Variants in PHC2 observed in about 807,000 individuals in gnomAD.
The protein encoded by PHC2 is polyhomeotic homolog 2, also known as polyhomeotic-like protein 2.
Under a neutral mutation model 87.4 loss-of-function variants are expected in PHC2, and 29 were observed. The ratio of observed to expected loss-of-function variants is 0.33; its 90% CI spans 0.25 to 0.45. The LOEUF is 0.45. Among genes scored for constraint, PHC2 ranks in the 20% least tolerant of loss-of-function variants. PHC2 has a pLI of 1.00. For missense variants in PHC2, 857 were observed against 1,136.7 expected (o/e 0.75, Z 3.54); for synonymous variants, 438 against 461.7 (o/e 0.95, Z 0.66).
At chr1:33,350,467 C>T (rs1190074544) in intron 9 of PHC2, 1 of 152,300 alleles carries the variant, frequency 6.6e-6, no homozygotes, top group African/African-American at 2.4e-5. Flanking sequence ...GGTTATCTTC[C>T]CCAAGCGCAC....
chr1:33,377,511 G>A (rs1420068214), intron 1 of PHC2, among the ~76,000 whole-genome samples: 1 of 152,030 alleles, frequency 6.6e-6, no homozygotes. Context: ...TGGTGGGAGA[G>A]GCACACCCAG....
At chr1:33,388,136 C>T (rs1160731413) in intron 1 of PHC2, among the ~76,000 whole-genome samples, 4 of 152,108 alleles carry the variant, frequency 2.6e-5, no homozygotes, top group African/African-American at 9.7e-5. Context: ...TTCCTGAATG[C>T]CCACCACATG....
chr1:33,402,838 T>TTTG (rs1404421995), intron 1 of PHC2, among the ~76,000 whole-genome samples: 1 of 152,016 alleles, frequency 6.6e-6, no homozygotes, highest in Non-Finnish European at 1.5e-5. Context: ...GAAAACTCTT[T>TTTG]TTTTTGAGAT....
At chr1:33,386,752 A>AACACATACACAAAGCACACAGC (rs1648774489) in intron 1 of PHC2, among the ~76,000 whole-genome samples, 1 of 152,074 alleles carries the variant, frequency 6.6e-6, no homozygotes, top group Admixed American at 6.5e-5. Flanking sequence ...AAGTGCACAT[A>AACACATACACAAAGCACACAGC]ACACATACAC....
At chr1:33,346,069 A>C (rs1646839703) in intron 9 of PHC2, 1 of 985,240 alleles carries the variant, frequency 1.0e-6, no homozygotes, top group Non-Finnish European at 1.2e-6. Flanking sequence ...ATGTGTTCAG[A>C]CTCCCATCTT....
At chr1:33,343,164 T>C (rs1053264083) in intron 9 of PHC2, among the ~76,000 whole-genome samples, 1 of 152,088 alleles carries the variant, frequency 6.6e-6, no homozygotes, top group Non-Finnish European at 1.5e-5. Context: ...GACTGTGGGA[T>C]TAGAAAGACT....
intron 5 of PHC2, 46 bp downstream of exon 5, chr1:33,370,375 G>T: frequency 6.4e-7 from 1 of 1,571,074 alleles, no homozygotes; most frequent in Non-Finnish European, 8.7e-7. Context: ...CTCTGCCTCT[G>T]TCCTCCTGGT....
chr1:33,342,317 G>C (rs1646758974), intron 9 of PHC2, among the ~76,000 whole-genome samples: 1 of 152,210 alleles, frequency 6.6e-6, no homozygotes, highest in African/African-American at 2.4e-5. Flanking sequence ...GGCAGGGAGG[G>C]GGCTCCTCCC....
At chr1:33,379,336 C>G (rs1459210248) in intron 1 of PHC2, among the ~76,000 whole-genome samples, 1 of 75,046 alleles carries the variant, frequency 1.3e-5, no homozygotes, top group African/African-American at 5.2e-5. Context: ...CTGCCCCCCA[C>G]CCCCCCACCG....
rs756472581 is a variant in PHC2 at position 33,330,158 on chromosome 1, C to G, written c.2061G>C (p.Lys687Asn). The change falls in exon 13 of 15, where the codon AAG becomes AAC. Residue 687 changes from lysine (K) to asparagine (N), a missense_variant. Coordinates refer to ENST00000683057, the MANE Select transcript of PHC2 (RefSeq NM_001385109.1). ...GGGTCGCAGCTCCTGCCTTCTGCAG[C>G]TTGCTCCGGTCTGAGTGGAAAAGTC... is the stretch of plus-strand genomic sequence containing the variant. ...RVGLFHSDRS[K>N]LQKAGAATHN... is the part of the protein sequence containing the mutation. 6.2e-7 allele frequency: 1 copy of G among 1,614,240 alleles called. No individual in the cohort carries two copies. Among genetic ancestry groups the G allele is most frequent in the South Asian group, 1.1e-5 (1 of 91,084 alleles).
At chr1:33,421,880 C>T (rs1355756053) in intron 1 of PHC2, among the ~76,000 whole-genome samples, 1 of 152,218 alleles carries the variant, frequency 6.6e-6, no homozygotes, top group Non-Finnish European at 1.5e-5. Flanking sequence ...CTTCACATTG[C>T]TGATGTGTTC....
intron 1 of PHC2, among the ~76,000 whole-genome samples, chr1:33,397,962 T>C (rs964753746): frequency 6.6e-6 from 1 of 152,158 alleles, no homozygotes; most frequent in Non-Finnish European, 1.5e-5. Flanking sequence ...TTTTGGACTT[T>C]GTTCCCTGTG....
intron 2 of PHC2, among the ~76,000 whole-genome samples, chr1:33,374,456 A>G (rs113598552): frequency 2.8e-4 from 43 of 152,192 alleles, no homozygotes; most frequent in Non-Finnish European, 5.3e-4. Flanking sequence ...CACGAGGTAG[A>G]AATAAGTGGG....
intron 9 of PHC2, among the ~76,000 whole-genome samples, chr1:33,342,098 G>A (rs1021812043): frequency 1.3e-5 from 2 of 149,988 alleles, no homozygotes; most frequent in Non-Finnish European, 3.0e-5. Flanking sequence ...TCAGGCACAG[G>A]AGGGTCACTG....
rs146309806 is a variant in PHC2 at position 33,387,254 on chromosome 1, G to C, written c.-54-11661C>G. Among the ~76,000 whole-genome samples the C allele has an allele frequency of 2.5e-3, 382 of 152,280 alleles. 1 individual carries two copies. Among genetic ancestry groups the C allele is most frequent in the African/African-American group, 8.7e-3 (363 of 41,562 alleles). On this transcript the variant is annotated intron_variant, in intron 1 of 14. Transcript: ENST00000683057. ...GAACACTAGCATTGAGAGTGCCCTA[G>C]AGAAGCAGTGACTGTACGGGGTGCC...
chr1:33,388,147 C>G (rs149819422), intron 1 of PHC2, among the ~76,000 whole-genome samples: 79 of 152,258 alleles, frequency 5.2e-4, no homozygotes, highest in African/African-American at 1.8e-3. Flanking sequence ...CCACCACATG[C>G]TGGGCACAAG....
At position 33,349,390 on chromosome 1, in the gene PHC2, G is replaced by A. The variant is rs927566002; in HGVS notation, c.1558+5011C>T. The A allele has an allele frequency of 1.0e-6, 1 of 985,376 alleles. No homozygotes were observed. The highest frequency in any genetic ancestry group is 1.2e-6 in the Non-Finnish European group (1 of 829,938). 61.0% of individuals were successfully genotyped at this position (985,376 alleles called of 1,614,324 possible). A position where few individuals can be genotyped will look rare whatever the true frequency, so the allele number is the denominator to read the frequency against. ...AGGTGACACGGCTTCCAGGGGCGAC[G>A]GGCGCGCAGGGTCCCCAGGCGAGCG... On this transcript the variant is annotated intron_variant, in intron 9 of 14. Coordinates refer to ENST00000683057, the MANE Select transcript of PHC2 (RefSeq NM_001385109.1). This position sits in a 1 kb window ranked among gnomAD's most constrained non-coding sequence, Gnocchi z 4.2.
intron 1 of PHC2, among the ~76,000 whole-genome samples, chr1:33,375,941 G>C (rs1337912474): frequency 6.6e-6 from 1 of 152,166 alleles, no homozygotes; most frequent in South Asian, 2.1e-4. Flanking sequence ...TGGCATCCAA[G>C]GGGGTTCCTG....
intron 1 of PHC2, among the ~76,000 whole-genome samples, chr1:33,389,416 G>A (rs965456267): frequency 6.6e-6 from 1 of 152,178 alleles, no homozygotes; most frequent in Non-Finnish European, 1.5e-5. Context: ...TGAACTTCCA[G>A]CTTCCTTTCT....
Sources: gnomAD v4.1 joint callset for allele counts (sites outside exome capture counted in the v4.1 genomes callset) on GRCh38, gnomAD v4.1.1 for gene constraint, Gnocchi (gnomAD v3.1) non-coding constraint, MANE v1.5 for transcripts, NCBI Gene and HGNC (gene_info 2026-07-23, HGNC 2026-07-21) for gene names.